Variants in EMSY observed in about 807,000 individuals in gnomAD.
EMSY encodes the protein BRCA2-interacting transcriptional repressor EMSY.
Under a neutral mutation model 134.6 loss-of-function variants are expected in EMSY, and 26 were observed. The ratio of observed to expected loss-of-function variants is 0.19; its 90% CI spans 0.14 to 0.27. The LOEUF (loss-of-function observed/expected upper bound fraction) is 0.27, where lower values mean the gene tolerates loss of function less well. EMSY is among the 10% of genes least tolerant of loss of function. EMSY has a pLI of 1.00. For missense variants in EMSY, 1,305 were observed against 1,611.4 expected (o/e 0.81, Z 3.26); for synonymous variants, 579 against 577.8 (o/e 1.00, Z -0.03).
At chr11:76,463,790 T>C in intron 6 of EMSY, 31 bp from the exon 8 acceptor site, 2 of 1,608,166 alleles carry the variant, frequency 1.2e-6, no homozygotes, top group Non-Finnish European at 8.5e-7. Context: ...TAGTTTGGTA[T>C]ACATATAGCA....
At chr11:76,518,705 T>TATAGATATATA (rs1406438858) in intron 11 of EMSY, among the ~76,000 whole-genome samples, 1 of 80,760 alleles carries the variant, frequency 1.2e-5, no homozygotes, top group African/African-American at 5.2e-5. Context: ...ATATATATAT[T>TATAGATATATA]TTTTTTTTAA....
intron 8 of EMSY, among the ~76,000 whole-genome samples, chr11:76,480,792 C>T (rs1590850073): frequency 2.0e-5 from 3 of 152,260 alleles, no homozygotes; most frequent in Admixed American, 2.0e-4. Flanking sequence ...TGGGGTGTTG[C>T]CTCACCCAGG....
chr11:76,469,830 T>C (rs1049746045), intron 7 of EMSY, among the ~76,000 whole-genome samples: 8 of 152,218 alleles, frequency 5.3e-5, no homozygotes, highest in Admixed American at 3.9e-4. Context: ...TTTGCCATAT[T>C]GGTCTACTTC....
intron 8 of EMSY, among the ~76,000 whole-genome samples, chr11:76,473,467 C>T (rs538582246): frequency 2.6e-5 from 4 of 151,864 alleles, no homozygotes; most frequent in South Asian, 4.2e-4. Context: ...CCACCATACC[C>T]GGCTATTTTT....
chr11:76,452,436 T>A (rs1462933921), intron 3 of EMSY, among the ~76,000 whole-genome samples: 1 of 152,228 alleles, frequency 6.6e-6, no homozygotes, highest in East Asian at 1.9e-4. Flanking sequence ...TTCCTGTTAC[T>A]TAACATTAAT....
Position 76,537,917 on chromosome 11 carries a change from G to T in EMSY, c.2482G>T (p.Glu828Ter). ...TGAGAGTCCATCAATTGCTGTGGTA[G>T]AGTCAGAACTAGTAGCTGAATACAT... Residue 828 changes from glutamate (E) to a stop codon, truncating the protein, a stop_gained, in exon 16 of 21, where the codon GAG becomes TAG. Coordinates refer to ENST00000334736, the Ensembl canonical transcript of EMSY. LOFTEE classifies it high-confidence loss of function. 6.2e-7 allele frequency: 1 copy of T among 1,613,746 alleles called. No individual in the cohort carries two copies. The highest frequency in any genetic ancestry group is 2.2e-5 in the East Asian group (1 of 44,866).
exon 15 of EMSY, chr11:76,535,980 A>G: frequency 6.2e-7 from 1 of 1,606,484 alleles, no homozygotes; most frequent in East Asian, 2.2e-5. Context: ...GCCCTACCAT[A>G]ATTTATCAGG....
At chr11:76,450,795 T>TC (rs1457176471) in intron 2 of EMSY, among the ~76,000 whole-genome samples, 1 of 306 alleles carries the variant, frequency 3.3e-3, no homozygotes, top group African/African-American at 0.017. Context: ...CCTGGCCAGA[T>TC]TTTTTTTTTT....
intron 7 of EMSY, among the ~76,000 whole-genome samples, chr11:76,467,452 T>C (rs1948396444): frequency 6.6e-6 from 1 of 152,240 alleles, no homozygotes; most frequent in East Asian, 1.9e-4. Context: ...TCATTATACT[T>C]ACAACTAGTT....
chr11:76,467,147 A>G (rs548072473), intron 7 of EMSY, among the ~76,000 whole-genome samples: 3 of 152,326 alleles, frequency 2.0e-5, no homozygotes, highest in African/African-American at 7.2e-5. Flanking sequence ...GATGACTCCA[A>G]GATAATCTTT....
chr11:76,483,096 T>C (rs1312974868), intron 8 of EMSY, among the ~76,000 whole-genome samples: 3 of 152,206 alleles, frequency 2.0e-5, no homozygotes, highest in Non-Finnish European at 2.9e-5. Context: ...GTGGCCAAAA[T>C]TGAACATTCT....
intron 9 of EMSY, among the ~76,000 whole-genome samples, chr11:76,508,972 C>A (rs182389604): frequency 2.6e-5 from 4 of 151,972 alleles, no homozygotes; most frequent in Non-Finnish European, 4.4e-5. Flanking sequence ...ATGTCCAGTT[C>A]GTGAAGCAGT....
intron 8 of EMSY, among the ~76,000 whole-genome samples, chr11:76,483,365 C>T (rs1400431607): frequency 2.6e-5 from 4 of 152,130 alleles, no homozygotes; most frequent in Non-Finnish European, 5.9e-5. Context: ...AAATAACCAG[C>T]TGGCATCATA....
At chr11:76,509,226 A>G (rs1307446079) in intron 9 of EMSY, among the ~76,000 whole-genome samples, 1 of 152,100 alleles carries the variant, frequency 6.6e-6, no homozygotes, top group Admixed American at 6.6e-5. Flanking sequence ...GGTTGCCAGA[A>G]CCTTCAATTT....
intron 6 of EMSY, among the ~76,000 whole-genome samples, chr11:76,462,574 C>T (rs1373301391): frequency 6.6e-6 from 1 of 152,138 alleles, no homozygotes; most frequent in East Asian, 1.9e-4. Context: ...TAAGGGAAAG[C>T]TTCACTAAGG....
At chr11:76,525,013 C>T (rs1376645778) in intron 12 of EMSY, among the ~76,000 whole-genome samples, 1 of 152,148 alleles carries the variant, frequency 6.6e-6, no homozygotes, top group Non-Finnish European at 1.5e-5. Context: ...CAAGACTCTG[C>T]CACTGCCACC....
Position 76,505,782 on chromosome 11 carries a change from G to A in EMSY, c.1364-7604G>A, listed in dbSNP as rs572507815. ...TGAGGCAGGAGAATCGCGTGAACCC[G>A]GGGGGTGGAGCTTGCAGTGAACCAA... is the stretch of plus-strand genomic sequence containing the variant. On this transcript the variant is annotated intron_variant, in intron 9 of 20. Coordinates refer to ENST00000334736, the Ensembl canonical transcript of EMSY. Among the ~76,000 whole-genome samples the A allele has an allele frequency of 4.6e-5, 7 of 152,002 alleles. No homozygotes were observed. The South Asian group carries it at 6.3e-4, about 14-fold the overall frequency.
At chr11:76,474,138 G>T (rs1948689552) in intron 8 of EMSY, among the ~76,000 whole-genome samples, 1 of 150,676 alleles carries the variant, frequency 6.6e-6, no homozygotes, top group Non-Finnish European at 1.5e-5. Context: ...AAAAGCAAAG[G>T]AAAGGAAATA....
At position 76,537,959 on chromosome 11, in the gene EMSY, C is replaced by A; in HGVS notation, c.2515+9C>A. 1.2e-6 allele frequency: 2 copies of A among 1,600,998 alleles called. No homozygotes were observed. Among genetic ancestry groups the A allele is most frequent in the South Asian group, 1.1e-5 (1 of 88,668 alleles). On this transcript the variant is annotated intron_variant, in intron 16 of 20. Transcript: ENST00000334736. ...TGAATACATCACTACTGGTAGGTGTCCTCTTAAAATGTAGTATTAAGGTAG... is the reference window on the plus strand; with the variant it reads ...TGAATACATCACTACTGGTAGGTGTACTCTTAAAATGTAGTATTAAGGTAG...
Sources: allele counts gnomAD v4.1 joint callset (sites outside exome capture counted in the v4.1 genomes callset), GRCh38; gene constraint gnomAD v4.1.1; transcripts MANE v1.5; gene names NCBI Gene and HGNC (gene_info 2026-07-23, HGNC 2026-07-21).